Variants in ABL2 observed in about 807,000 individuals in gnomAD.
The protein encoded by ABL2 is ABL proto-oncogene 2, non-receptor tyrosine kinase.
In ABL2, 49 loss-of-function variants were observed where a neutral mutation model predicts 107.7. That is an observed-to-expected ratio of 0.45 (90% CI 0.36 to 0.58). The LOEUF (loss-of-function observed/expected upper bound fraction) is 0.58, where lower values mean the gene tolerates loss of function less well. Among genes scored for constraint, ABL2 ranks in the 20% least tolerant of loss-of-function variants. ABL2 has a pLI of 0.00. For missense variants in ABL2, 1,245 were observed against 1,457.0 expected (o/e 0.85, Z 2.37); for synonymous variants, 549 against 548.6 (o/e 1.00, Z -0.01).
intron 1 of ABL2, among the ~76,000 whole-genome samples, chr1:179,180,670 C>G (rs1237688023): frequency 6.6e-6 from 1 of 152,072 alleles, no homozygotes; most frequent in Non-Finnish European, 1.5e-5. Context: ...ATTATACCAA[C>G]AAAATAATAG....
At chr1:179,150,454 G>A (rs1352166861) in intron 1 of ABL2, among the ~76,000 whole-genome samples, 1 of 152,216 alleles carries the variant, frequency 6.6e-6, no homozygotes, top group African/African-American at 2.4e-5. Context: ...CAAGACTCCA[G>A]GGGAGAAAGT....
rs552303689 is a variant in ABL2, at chr1:179,138,405, A to G, written c.158-5031T>C. On this transcript the variant is annotated intron_variant, in intron 1 of 11. Coordinates refer to ENST00000502732, the MANE Select transcript of ABL2 (RefSeq NM_007314.4). ...CGAGCCACCGCGCCCAGCCTGTTTA[A>G]TTATTTTAAATGTTTATTGGGGAAA... Among the ~76,000 whole-genome samples the G allele has an allele frequency of 8.5e-5, 13 of 152,310 alleles. No individual in the cohort carries two copies. The East Asian group carries it at 1.5e-3, about 18-fold the overall frequency.
chr1:179,157,972 G>A (rs543701479), intron 1 of ABL2, among the ~76,000 whole-genome samples: 91 of 152,320 alleles, frequency 6.0e-4, no homozygotes, highest in Non-Finnish European at 1.1e-3. Context: ...AAACCGTCTC[G>A]AAAGAATGGT....
At position 179,105,734 on chromosome 1, in the gene ABL2, T is replaced by G. The variant is rs10913692; in HGVS notation, c.*1984A>C. Reference sequence around the variant, plus strand: ...GGTAAGAATCAAGGTTTCCTTTCTTTCCAATGAAAACTCAATTTTGTTCTT... The same window carrying G: ...GGTAAGAATCAAGGTTTCCTTTCTTGCCAATGAAAACTCAATTTTGTTCTT... On this transcript the variant is annotated 3_prime_UTR_variant, in exon 12 of 12. Coordinates refer to ENST00000502732, the MANE Select transcript of ABL2 (RefSeq NM_007314.4). 0.51 allele frequency: 115,164 copies of G among 225,602 alleles called. 29,649 individuals are homozygous for G. Among genetic ancestry groups the G allele is most frequent in the South Asian group, 0.57 (3,115 of 5,456 alleles). The allele number at this position is 225,602 out of a possible 1,614,324, so 14.0% of individuals were successfully genotyped here. A position where few individuals can be genotyped will look rare whatever the true frequency, so the allele number is the denominator to read the frequency against.
At chr1:179,135,533 A>G (rs369343645) in intron 1 of ABL2, among the ~76,000 whole-genome samples, 4 of 137,422 alleles carry the variant, frequency 2.9e-5, no homozygotes, top group African/African-American at 5.5e-5. Context: ...CCCTCCGCCC[A>G]GCAGCCACCC....
At chr1:179,174,920 A>AAAAAAAT (rs1659958398) in intron 1 of ABL2, among the ~76,000 whole-genome samples, 2 of 122,872 alleles carry the variant, frequency 1.6e-5, no homozygotes, top group African/African-American at 3.0e-5. Flanking sequence ...AAAATAAAAA[A>AAAAAAAT]AATAATAATA....
At chr1:179,218,460 G>A (rs990090255) in intron 1 of ABL2, among the ~76,000 whole-genome samples, 7 of 151,850 alleles carry the variant, frequency 4.6e-5, no homozygotes, top group Admixed American at 2.0e-4. Flanking sequence ...GCAGTGGTAC[G>A]ATCTCGGCTC....
At chr1:179,219,560 T>C (rs1345788165) in intron 1 of ABL2, among the ~76,000 whole-genome samples, 2 of 152,336 alleles carry the variant, frequency 1.3e-5, no homozygotes, top group East Asian at 1.9e-4. Flanking sequence ...TTCAAGTTCT[T>C]TGATGGAAGA....
intron 1 of ABL2, among the ~76,000 whole-genome samples, chr1:179,139,932 T>C (rs1033152842): frequency 2.0e-5 from 3 of 152,094 alleles, no homozygotes; most frequent in Non-Finnish European, 4.4e-5. Flanking sequence ...TGTGAAAAAA[T>C]TGACTTCCAT....
At chr1:179,228,973 C>T (rs893023095) in intron 1 of ABL2, among the ~76,000 whole-genome samples, 3 of 152,178 alleles carry the variant, frequency 2.0e-5, no homozygotes, top group African/African-American at 7.2e-5. Flanking sequence ...ATAGTCCCGT[C>T]CCAGAGTAGA....
At chr1:179,220,180 C>A (rs536887154) in intron 1 of ABL2, among the ~76,000 whole-genome samples, 1 of 152,232 alleles carries the variant, frequency 6.6e-6, no homozygotes, top group Non-Finnish European at 1.5e-5. Flanking sequence ...CTCAAGAAGT[C>A]ACTTAATTTT....
In ABL2 at chr1:179,224,379, G is replaced by A. The variant is rs1474156522; in HGVS notation, c.157+4862C>T. Among the ~76,000 whole-genome samples, 4 of 151,862 alleles carry A rather than the reference G, an allele frequency of 2.6e-5. No homozygotes were observed. In the East Asian group the frequency reaches 7.9e-4, roughly 30 times the overall value. ...CCTCCGGGGTTCAGGGGATTCTCCT[G>A]TCTCAGCCTCCTGAGTAGCTGGGAC... On this transcript the variant is annotated intron_variant, in intron 1 of 11. Coordinates refer to ENST00000502732, the MANE Select transcript of ABL2 (RefSeq NM_007314.4).
At chr1:179,144,287 C>G (rs1657840392) in intron 1 of ABL2, among the ~76,000 whole-genome samples, 1 of 151,760 alleles carries the variant, frequency 6.6e-6, no homozygotes, top group Non-Finnish European at 1.5e-5. Flanking sequence ...AGTGAAACCC[C>G]ACCTCTACAA....
rs150940806 is a variant in ABL2, at chr1:179,108,279, C to G, written c.2988G>C (p.Pro996=). The part of the protein sequence containing the change: ...PPPVMRLLQH[P]SICSDPTEEP... ...CTTCTGTAGGGTCTGAGCAGATGGA[C>G]GGATGCTGCAGTAGTCTCATCACTG... The change falls in exon 12 of 12, where the codon CCG becomes CCC. Residue 996 remains proline, a synonymous_variant. Transcript: ENST00000502732. The G allele has an allele frequency of 1.5e-5, 25 of 1,613,608 alleles. No homozygotes were observed. In the African/African-American group the frequency reaches 1.9e-4, roughly 12 times the overall value.
chr1:179,110,747 C>G, intron 10 of ABL2: 1 of 1,613,632 alleles, frequency 6.2e-7, no homozygotes, highest in Non-Finnish European at 8.5e-7. Flanking sequence ...TAGGTTGTTT[C>G]CAGTTTGGAG....
At chr1:179,117,224 C>G (rs753162230) in intron 8 of ABL2, 108 bp downstream of exon 8, 1 of 1,075,846 alleles carries the variant, frequency 9.3e-7, no homozygotes, top group Non-Finnish European at 1.4e-6. Context: ...AGAAGAATGG[C>G]AGGTAAAGGT....
intron 1 of ABL2, among the ~76,000 whole-genome samples, chr1:179,156,967 T>A (rs1658736459): frequency 6.6e-6 from 1 of 151,956 alleles, no homozygotes; most frequent in African/African-American, 2.4e-5. Flanking sequence ...AGATGCTCTG[T>A]CAGTATCAAA....
intron 1 of ABL2, among the ~76,000 whole-genome samples, chr1:179,148,632 T>C (rs1345504293): frequency 1.3e-5 from 2 of 152,166 alleles, no homozygotes; most frequent in Admixed American, 1.3e-4. Context: ...CTGGGCACAG[T>C]GGCTCACGCC....
rs1426129832 is a variant in ABL2 at position 179,108,270 on chromosome 1, G to A, written c.2997C>T (p.Cys999=). ...CAGTTGGCTCTTCTGTAGGGTCTGAGCAGATGGACGGATGCTGCAGTAGTC... is the reference window on the plus strand; with the variant it reads ...CAGTTGGCTCTTCTGTAGGGTCTGAACAGATGGACGGATGCTGCAGTAGTC... ...VMRLLQHPSI[C]SDPTEEPTAL... is the part of the protein sequence containing the mutation. The change falls in exon 12 of 12, where the codon TGC becomes TGT. Residue 999 remains cysteine (C), a synonymous_variant. Transcript: ENST00000502732. The A allele has an allele frequency of 6.2e-7, 1 of 1,614,040 alleles. No homozygotes were observed. Among genetic ancestry groups the A allele is most frequent in the South Asian group, 1.1e-5 (1 of 91,076 alleles).
Sources: allele counts gnomAD v4.1 joint callset (sites outside exome capture counted in the v4.1 genomes callset), GRCh38; gene constraint gnomAD v4.1.1; transcripts MANE v1.5; gene names NCBI Gene and HGNC (gene_info 2026-07-23, HGNC 2026-07-21).